Variants in NRXN3 observed in about 807,000 individuals in gnomAD.
NRXN3 encodes the protein neurexin 3.
In NRXN3, 32 loss-of-function variants were observed where a neutral mutation model predicts 137.6. The ratio of observed to expected loss-of-function variants is 0.23; its 90% CI spans 0.18 to 0.31. The LOEUF (loss-of-function observed/expected upper bound fraction) is 0.31, where lower values mean the gene tolerates loss of function less well. NRXN3 is among the 10% of genes least tolerant of loss of function. NRXN3 has a pLI of 1.00. For missense variants in NRXN3, 1,574 were observed against 2,062.5 expected (o/e 0.76, Z 4.59); for synonymous variants, 798 against 784.5 (o/e 1.02, Z -0.29).
chr14:78,298,738 G>A (rs376090093), intron 4 of NRXN3, among the ~76,000 whole-genome samples: 1 of 152,308 alleles, frequency 6.6e-6, no homozygotes, highest in East Asian at 1.9e-4. Context: ...GCCTTGCCCT[G>A]TAACCAAAAG....
intron 15 of NRXN3, among the ~76,000 whole-genome samples, chr14:79,199,519 C>A (rs539826460): frequency 5.9e-5 from 9 of 152,294 alleles, no homozygotes; most frequent in African/African-American, 2.2e-4. Context: ...TACCAGAGTT[C>A]ACACTTTCAA....
intron 15 of NRXN3, among the ~76,000 whole-genome samples, chr14:79,288,550 A>G (rs1331541733): frequency 4.6e-5 from 7 of 152,224 alleles, no homozygotes; most frequent in African/African-American, 1.7e-4. Context: ...TTACGATTAA[A>G]AACATTGAGA....
chr14:78,417,417 T>C (rs1227820342), intron 4 of NRXN3, among the ~76,000 whole-genome samples: 1 of 152,198 alleles, frequency 6.6e-6, no homozygotes, highest in Non-Finnish European at 1.5e-5. Flanking sequence ...CATGGGAGCA[T>C]GCGCAGATGC....
chr14:78,386,035 T>C (rs2089921250), intron 4 of NRXN3, among the ~76,000 whole-genome samples: 1 of 116,974 alleles, frequency 8.5e-6, no homozygotes, highest in South Asian at 3.3e-4. Flanking sequence ...TTAGATTTTT[T>C]TTTTTTAACT....
intron 19 of NRXN3, among the ~76,000 whole-genome samples, chr14:79,771,283 G>A (rs1057102524): frequency 1.3e-5 from 2 of 152,156 alleles, no homozygotes; most frequent in Non-Finnish European, 2.9e-5. Context: ...TATGAGGACA[G>A]CATCATCCTG....
At chr14:79,566,650 C>G (rs983912926) in intron 16 of NRXN3, among the ~76,000 whole-genome samples, 7 of 152,068 alleles carry the variant, frequency 4.6e-5, no homozygotes, top group Non-Finnish European at 7.4e-5. Context: ...ATGATGTAAT[C>G]CAATTTGAAC....
At chr14:78,494,295 T>C (rs2153751770) in intron 4 of NRXN3, among the ~76,000 whole-genome samples, 1 of 152,306 alleles carries the variant, frequency 6.6e-6, no homozygotes, top group South Asian at 2.1e-4. Context: ...TTCTCTTTAA[T>C]TCAAATGGAA....
intron 15 of NRXN3, among the ~76,000 whole-genome samples, chr14:79,463,565 C>T: frequency 6.6e-6 from 1 of 151,876 alleles, no homozygotes; most frequent in East Asian, 1.9e-4. Flanking sequence ...AGATTTCATT[C>T]CTGGAATACT....
rs879935930 is a variant in NRXN3, at chr14:79,470,919, TGAGA to T, written c.3444+3534_3444+3537del. On this transcript the variant is annotated intron_variant, in intron 16 of 20. Transcript: ENST00000335750. ...GAGAGAGAGTGTGTGTGTGTGTGTG[TGAGA>T]GAGAGAGAGAGAGAGAAAGAGAGAG... 2.0e-3 allele frequency among the ~76,000 whole-genome samples: 259 copies of T among 131,368 alleles called. 2 individuals carry two copies. The highest frequency in any genetic ancestry group is 6.6e-3 in the African/African-American group (199 of 30,286). The allele number at this position is 131,368 out of a possible 152,430, so 86.2% of individuals were successfully genotyped here.
At chr14:78,959,057 T>A (rs1435305142) in intron 11 of NRXN3, among the ~76,000 whole-genome samples, 2 of 152,226 alleles carry the variant, frequency 1.3e-5, no homozygotes, top group African/African-American at 2.4e-5. Context: ...ATTCTGTAAT[T>A]TGGGGTCTTA....
At chr14:79,412,445 A>T (rs1031066431) in intron 15 of NRXN3, among the ~76,000 whole-genome samples, 2 of 152,014 alleles carry the variant, frequency 1.3e-5, no homozygotes, top group Admixed American at 1.3e-4. Flanking sequence ...AGATTCTGAG[A>T]TCTAGGGGCA....
intron 20 of NRXN3, among the ~76,000 whole-genome samples, chr14:79,824,917 T>C (rs2099288888): frequency 6.6e-6 from 1 of 152,240 alleles, no homozygotes; most frequent in Non-Finnish European, 1.5e-5. Flanking sequence ...ATAACATCTA[T>C]GCATAGTCCA....
intron 4 of NRXN3, among the ~76,000 whole-genome samples, chr14:78,537,266 C>G (rs1600111193): frequency 1.3e-5 from 2 of 152,204 alleles, no homozygotes; most frequent in East Asian, 3.9e-4. Flanking sequence ...TCTCCAGCAT[C>G]TTTTGTTTCC....
At chr14:79,502,878 G>C (rs2153675944) in intron 16 of NRXN3, among the ~76,000 whole-genome samples, 1 of 151,896 alleles carries the variant, frequency 6.6e-6, no homozygotes, top group South Asian at 2.1e-4. Context: ...ATCAGATTTA[G>C]AGTAACTGGC....
At chr14:78,865,900 C>T (rs1294665736) in intron 10 of NRXN3, among the ~76,000 whole-genome samples, 1 of 151,906 alleles carries the variant, frequency 6.6e-6, no homozygotes, top group Non-Finnish European at 1.5e-5. Flanking sequence ...ATTTCAGAGC[C>T]CCTGAAATAG....
At chr14:79,731,208 C>T (rs939364493) in intron 19 of NRXN3, among the ~76,000 whole-genome samples, 2 of 152,172 alleles carry the variant, frequency 1.3e-5, no homozygotes, top group Non-Finnish European at 2.9e-5. Context: ...TGATTTGCTT[C>T]TCCAGAAATT....
chr14:79,279,176 G>C (rs2080819370), intron 15 of NRXN3, among the ~76,000 whole-genome samples: 1 of 152,112 alleles, frequency 6.6e-6, no homozygotes, highest in Admixed American at 6.5e-5. Flanking sequence ...GAGGAGGGCG[G>C]GCGGCGTGTG....
At chr14:79,660,886 G>A (rs1427017954) in intron 16 of NRXN3, among the ~76,000 whole-genome samples, 1 of 152,082 alleles carries the variant, frequency 6.6e-6, no homozygotes, top group African/African-American at 2.4e-5. Context: ...AACTCCTCTA[G>A]TACTTCCATT....
intron 19 of NRXN3, among the ~76,000 whole-genome samples, chr14:79,727,321 G>A (rs918337594): frequency 3.9e-5 from 6 of 152,058 alleles, no homozygotes; most frequent in East Asian, 1.9e-4. Context: ...ATGAGTAGCC[G>A]GGAATATTCG....
Sources: allele counts gnomAD v4.1 joint callset (sites outside exome capture counted in the v4.1 genomes callset), GRCh38; gene constraint gnomAD v4.1.1; transcripts MANE v1.5; gene names NCBI Gene and HGNC (gene_info 2026-07-23, HGNC 2026-07-21).